Variants in KICS2 observed in about 807,000 individuals in gnomAD.
KICS2 encodes the protein KICSTOR complex protein C12orf66.
Under a neutral mutation model 31.4 loss-of-function variants are expected in KICS2, and 13 were observed. The observed-to-expected ratio is 0.41, with a 90% CI of 0.27 to 0.66. KICS2 has a LOEUF of 0.66. KICS2 is among the 30% of genes least tolerant of loss of function. The probability of loss-of-function intolerance (pLI) is 0.28; values close to 1 mark genes in which losing one functional copy is unlikely to be tolerated. For missense variants in KICS2, 455 were observed against 545.4 expected (o/e 0.83, Z 1.65); for synonymous variants, 209 against 214.8 (o/e 0.97, Z 0.24).
chr12:64,196,627 A>C (rs1278980337), intron 2 of KICS2, among the ~76,000 whole-genome samples: 3 of 151,096 alleles, frequency 2.0e-5, no homozygotes, highest in Admixed American at 1.3e-4. Flanking sequence ...TGAGAGAAGA[A>C]GGCTTCAGAC....
chr12:64,192,888 A>G lies in KICS2; in HGVS notation c.*954T>C, dbSNP rs1332159123. On this transcript the variant is annotated 3_prime_UTR_variant, in exon 3 of 3. Transcript: ENST00000398055. The stretch of plus-strand genomic sequence containing the variant: ...CTATGAAGAGGTCTTTCAAGCGCAC[A>G]GTTGATTTTTAGCAAGTACAGCGTA... The G allele has an allele frequency of 1.0e-6, 1 of 985,334 alleles. No homozygotes were observed. The highest frequency in any genetic ancestry group is 1.2e-6 in the Non-Finnish European group (1 of 829,946). The allele number at this position is 985,334 out of a possible 1,614,324, so 61.0% of individuals were successfully genotyped here.
chr12:64,214,362 T>C (rs536845016), intron 2 of KICS2, among the ~76,000 whole-genome samples: 1 of 152,254 alleles, frequency 6.6e-6, no homozygotes, highest in East Asian at 1.9e-4. Context: ...GAGAATAAGA[T>C]AGTGACTAAA....
downstream of KICS2, among the ~76,000 whole-genome samples, chr12:64,189,459 G>C (rs1341192207): frequency 6.6e-6 from 1 of 152,010 alleles, no homozygotes; most frequent in African/African-American, 2.4e-5. Flanking sequence ...CCAATATAAA[G>C]GGGGAAAAAA....
downstream of KICS2, chr12:64,186,562 C>G (rs1405395212): frequency 6.6e-6 from 1 of 152,078 alleles, no homozygotes; most frequent in Admixed American, 6.6e-5. Flanking sequence ...TTTAAAATGC[C>G]AATATTTACA....
chr12:64,196,089 G>A (rs1236807074), intron 2 of KICS2, among the ~76,000 whole-genome samples: 3 of 152,246 alleles, frequency 2.0e-5, no homozygotes, highest in Non-Finnish European at 4.4e-5. Flanking sequence ...CAACTGGGTG[G>A]AGCCCACCAC....
At chr12:64,189,229 C>A (rs1327723310), downstream of KICS2, among the ~76,000 whole-genome samples, 1 of 152,192 alleles carries the variant, frequency 6.6e-6, no homozygotes, top group Non-Finnish European at 1.5e-5. Context: ...TCCATATGAA[C>A]TGTACTTCAA....
In KICS2 at chr12:64,192,457, T is replaced by G. The variant is rs2037388426; in HGVS notation, c.*1385A>C. ...CTTTCTTCTGCCAGGCAGTCCACCC[T>G]AGGTGGGCAGGCTTCCTACATGGAC... On this transcript the variant is annotated 3_prime_UTR_variant, in exon 3 of 3. Coordinates refer to ENST00000398055, the MANE Select transcript of KICS2 (RefSeq NM_152440.5). 6.9e-6 allele frequency: 2 copies of G among 290,188 alleles called. No homozygotes were observed. The highest frequency in any genetic ancestry group is 2.3e-5 in the African/African-American group (1 of 43,908). The allele number at this position is 290,188 out of a possible 1,614,324, so 18.0% of individuals were successfully genotyped here. A position where few individuals can be genotyped will look rare whatever the true frequency, so the allele number is the denominator to read the frequency against.
At chr12:64,187,607 T>G, downstream of KICS2, 1 of 1,533,374 alleles carries the variant, frequency 6.5e-7, no homozygotes, top group Non-Finnish European at 8.7e-7. Flanking sequence ...CAGCTTAGAA[T>G]AATTCAGGCA....
intron 1 of KICS2, among the ~76,000 whole-genome samples, chr12:64,219,828 A>T (rs2037662995): frequency 6.6e-6 from 1 of 152,250 alleles, no homozygotes; most frequent in South Asian, 2.1e-4. Context: ...TAAATTTTTT[A>T]AACGCACGCA....
intron 2 of KICS2, among the ~76,000 whole-genome samples, chr12:64,195,557 T>A (rs775019340): frequency 6.6e-6 from 1 of 152,204 alleles, no homozygotes; most frequent in Non-Finnish European, 1.5e-5. Context: ...TCCCTTCATA[T>A]TAATTATAGT....
downstream of KICS2, chr12:64,191,032 T>C (rs1166413433): frequency 2.6e-5 from 4 of 152,208 alleles, no homozygotes; most frequent in Non-Finnish European, 2.9e-5. Flanking sequence ...TAAAAACTTA[T>C]CAAGTTGTGG....
chr12:64,216,073 GT>G, intron 1 of KICS2, 110 bp from the exon 2 acceptor site: 1 of 929,450 alleles, frequency 1.1e-6, no homozygotes, highest in Non-Finnish European at 1.6e-6. Context: ...AGCTCAGTAA[GT>G]TTTCATCTAC....
At chr12:64,188,030 A>G (rs759133646), downstream of KICS2, among the ~76,000 whole-genome samples, 11 of 152,168 alleles carry the variant, frequency 7.2e-5, no homozygotes, top group Non-Finnish European at 1.5e-4. Flanking sequence ...TAGTATCAAC[A>G]CTGACCTTTC....
chr12:64,217,681 A>G (rs1426607404), intron 1 of KICS2, among the ~76,000 whole-genome samples: 2 of 152,014 alleles, frequency 1.3e-5, no homozygotes, highest in East Asian at 3.9e-4. Flanking sequence ...GGTGCCTATA[A>G]TCCCAGCTAC....
rs889362940 is a variant in KICS2 at position 64,198,814 on chromosome 12, C to T, written c.522-4156G>A. 4.9e-4 allele frequency among the ~76,000 whole-genome samples: 71 copies of T among 144,834 alleles called. 1 individual carries two copies. The highest frequency in any genetic ancestry group is 1.7e-3 in the African/African-American group (68 of 38,962). On this transcript the variant is annotated intron_variant, in intron 2 of 2. Transcript: ENST00000398055. ...AAATACAAACTACCATCAGAGAATACTACAAACACCTCTACGCAAATAAAC... is the reference window on the plus strand; with the variant it reads ...AAATACAAACTACCATCAGAGAATATTACAAACACCTCTACGCAAATAAAC...
Position 64,193,277 on chromosome 12 carries a change from TCA to T in KICS2, c.*563_*564del. The stretch of plus-strand genomic sequence containing the variant: ...GTCATGCTACCAATCTGACTCACTT[TCA>T]GTTTCAATAACTGATAGAAATTTCT... On this transcript the variant is annotated 3_prime_UTR_variant, in exon 3 of 3. Coordinates refer to ENST00000398055, the MANE Select transcript of KICS2 (RefSeq NM_152440.5). 4 of 986,072 alleles carry T rather than the reference TCA, an allele frequency of 4.1e-6. No individual in the cohort carries two copies. Among genetic ancestry groups the T allele is most frequent in the Non-Finnish European group, 4.8e-6 (4 of 830,446 alleles). 61.1% of individuals were successfully genotyped at this position (986,072 alleles called of 1,614,324 possible).
chr12:64,217,538 C>A (rs1295461502), intron 1 of KICS2, among the ~76,000 whole-genome samples: 1 of 151,574 alleles, frequency 6.6e-6, no homozygotes, highest in African/African-American at 2.4e-5. Flanking sequence ...GTGGCTCATG[C>A]CTGTAATACC....
Position 64,193,043 on chromosome 12 carries a change from G to A in KICS2, c.*799C>T. On this transcript the variant is annotated 3_prime_UTR_variant, in exon 3 of 3. Transcript: ENST00000398055. ...AGTAGAGCCAAACATGTACATTTCA[G>A]CAGAAAAGTGATAAACAGAAAGCGA... 2.0e-6 allele frequency: 2 copies of A among 985,426 alleles called. No individual in the cohort carries two copies. Among genetic ancestry groups the A allele is most frequent in the Non-Finnish European group, 2.4e-6 (2 of 829,930 alleles). The allele number at this position is 985,426 out of a possible 1,614,324, so 61.0% of individuals were successfully genotyped here.
rs1312595191 is a variant in KICS2, at chr12:64,191,554, C to T, written c.*2288G>A. The T allele has an allele frequency of 6.6e-6, 1 of 152,078 alleles. No homozygotes were observed. The highest frequency in any genetic ancestry group is 1.5e-5 in the Non-Finnish European group (1 of 68,008). The allele number at this position is 152,078 out of a possible 1,614,324, so 9.4% of individuals were successfully genotyped here. On this transcript the variant is annotated 3_prime_UTR_variant, in exon 3 of 3. Transcript: ENST00000398055. ...GGTTTAATCTAAGAGGAAAAAAATA[C>T]ATGCATACCAAGGAATATTTTTCAG...
Sources: gnomAD v4.1 joint callset for allele counts (sites outside exome capture counted in the v4.1 genomes callset) on GRCh38, gnomAD v4.1.1 for gene constraint, MANE v1.5 for transcripts, NCBI Gene and HGNC (gene_info 2026-07-23, HGNC 2026-07-21) for gene names.